The following SEZ6L variants were observed in gnomAD, a reference collection of about 807,000 sequenced individuals.
SEZ6L encodes seizure related 6 homolog like.
A neutral mutation model predicts 106.2 loss-of-function variants in SEZ6L; 37 were observed. The observed-to-expected ratio is 0.35, with a 90% CI of 0.27 to 0.46. The LOEUF (loss-of-function observed/expected upper bound fraction) is 0.46, where lower values mean the gene tolerates loss of function less well. SEZ6L is among the 20% of genes least tolerant of loss of function. The pLI, the probability that SEZ6L is intolerant of heterozygous loss-of-function variation, is 1.00. For missense variants in SEZ6L, 1,172 were observed against 1,332.8 expected (o/e 0.88, Z 1.88); for synonymous variants, 541 against 570.4 (o/e 0.95, Z 0.73).
chr22:26,217,305 C>G (rs923027957), intron 1 of SEZ6L, among the ~76,000 whole-genome samples: 1 of 152,202 alleles, frequency 6.6e-6, no homozygotes, highest in Admixed American at 6.5e-5. Flanking sequence ...TTCTTTGGAA[C>G]TTACAAGACA....
intron 1 of SEZ6L, among the ~76,000 whole-genome samples, chr22:26,224,197 A>G (rs964649257): frequency 2.0e-5 from 3 of 152,232 alleles, no homozygotes; most frequent in Non-Finnish European, 4.4e-5. Flanking sequence ...GGCAGAAACC[A>G]AGTTAGAAGA....
At chr22:26,179,357 C>T (rs187543925) in intron 1 of SEZ6L, among the ~76,000 whole-genome samples, 187 of 152,304 alleles carry the variant, frequency 1.2e-3, no homozygotes, top group Non-Finnish European at 7.1e-4. Context: ...CACCACTGCA[C>T]TCTAGCCTGA....
At chr22:26,321,537 A>G (rs2082154370) in intron 9 of SEZ6L, among the ~76,000 whole-genome samples, 1 of 152,152 alleles carries the variant, frequency 6.6e-6, no homozygotes. Context: ...CTTGGCACAC[A>G]CTTGGCAGAG....
intron 12 of SEZ6L, among the ~76,000 whole-genome samples, chr22:26,356,462 T>A (rs1457751983): frequency 6.6e-6 from 1 of 151,494 alleles, no homozygotes; most frequent in Non-Finnish European, 1.5e-5. Context: ...GCCAACATAG[T>A]GAAACCCCGT....
chr22:26,317,960 C>G (rs904124053), intron 9 of SEZ6L, among the ~76,000 whole-genome samples: 3 of 152,062 alleles, frequency 2.0e-5, no homozygotes, highest in African/African-American at 7.2e-5. Flanking sequence ...AACACAAATA[C>G]CGGAATTAGA....
chr22:26,359,747 G>A (rs1352921496), intron 12 of SEZ6L, among the ~76,000 whole-genome samples: 1 of 152,166 alleles, frequency 6.6e-6, no homozygotes, highest in Non-Finnish European at 1.5e-5. Context: ...AGGCTGAAGT[G>A]AGCTGTGTTC....
intron 9 of SEZ6L, among the ~76,000 whole-genome samples, chr22:26,319,356 G>C (rs748794798): frequency 3.3e-5 from 5 of 152,096 alleles, no homozygotes; most frequent in Admixed American, 6.5e-5. Context: ...TGTTACAACC[G>C]AAGTCATAGC....
chr22:26,335,962 C>A (rs1423899831), intron 9 of SEZ6L, among the ~76,000 whole-genome samples: 1 of 152,148 alleles, frequency 6.6e-6, no homozygotes, highest in East Asian at 1.9e-4. Flanking sequence ...GACCACTCCC[C>A]TCAAGGCAGT....
At chr22:26,240,708 A>C (rs1378349364) in intron 1 of SEZ6L, among the ~76,000 whole-genome samples, 3 of 152,160 alleles carry the variant, frequency 2.0e-5, no homozygotes, top group African/African-American at 7.2e-5. Context: ...TAGGCGTTTC[A>C]GAGTCATCCA....
At chr22:26,357,080 T>C (rs1386639076) in intron 12 of SEZ6L, among the ~76,000 whole-genome samples, 2 of 151,754 alleles carry the variant, frequency 1.3e-5, no homozygotes. Context: ...GGCTCCAGAG[T>C]AGCTGGGACT....
At chr22:26,263,646 G>C (rs2080087788) in intron 1 of SEZ6L, among the ~76,000 whole-genome samples, 1 of 152,204 alleles carries the variant, frequency 6.6e-6, no homozygotes, top group Non-Finnish European at 1.5e-5. Flanking sequence ...GATCATCTGA[G>C]ATAGACAGTT....
chr22:26,299,297 G>A, intron 5 of SEZ6L, 128 bp downstream of exon 5: 1 of 625,744 alleles, frequency 1.6e-6, no homozygotes, highest in Non-Finnish European at 2.4e-6. Flanking sequence ...CTCCAAATAT[G>A]GATGACTATT....
chr22:26,309,711 A>C (rs1203743467), intron 6 of SEZ6L, among the ~76,000 whole-genome samples: 1 of 152,038 alleles, frequency 6.6e-6, no homozygotes, highest in Non-Finnish European at 1.5e-5. Flanking sequence ...CCAGAGTAGC[A>C]GGGACTATAG....
chr22:26,185,822 A>G lies in SEZ6L; in HGVS notation c.94+16059A>G, dbSNP rs1403198552. Among the ~76,000 whole-genome samples the G allele has an allele frequency of 3.3e-5, 5 of 152,210 alleles. No homozygotes were observed. The East Asian group carries it at 7.7e-4, about 24-fold the overall frequency. ...GGAGAGGTTAAGCAGTTCTCTCAAG[A>G]TCACACAGCTAGTAAGATCCTGCAT... On this transcript the variant is annotated intron_variant, in intron 1 of 16. Coordinates refer to ENST00000248933, the MANE Select transcript of SEZ6L (RefSeq NM_021115.5).
At chr22:26,232,718 T>C (rs1268035590) in intron 1 of SEZ6L, among the ~76,000 whole-genome samples, 1 of 152,234 alleles carries the variant, frequency 6.6e-6, no homozygotes, top group African/African-American at 2.4e-5. Context: ...TCCCATCTAG[T>C]GCACTTGTGC....
chr22:26,347,199 AATGATG>A (rs3071639), intron 10 of SEZ6L, among the ~76,000 whole-genome samples: 18 of 149,842 alleles, frequency 1.2e-4, no homozygotes, highest in Middle Eastern at 3.4e-3. Context: ...CTGTAAAAAT[AATGATG>A]ATGATGATGA....
intron 1 of SEZ6L, among the ~76,000 whole-genome samples, chr22:26,182,457 A>T (rs1601964451): frequency 6.6e-6 from 1 of 152,160 alleles, no homozygotes; most frequent in Non-Finnish European, 1.5e-5. Flanking sequence ...AAAATAACTA[A>T]CTGTACCTTT....
Position 26,223,831 on chromosome 22 carries a change from C to T in SEZ6L, c.94+54068C>T, listed in dbSNP as rs112236127. Reference sequence around the variant, plus strand: ...TAATTGTTATTATAATTAAGGCCCCCGGATAGGGAGAAGGTGGTAGATTGG... The same window carrying T: ...TAATTGTTATTATAATTAAGGCCCCTGGATAGGGAGAAGGTGGTAGATTGG... On this transcript the variant is annotated intron_variant, in intron 1 of 16. Transcript: ENST00000248933. Among the ~76,000 whole-genome samples, 136 of 152,148 alleles carry T rather than the reference C, an allele frequency of 8.9e-4. 1 individual carries two copies. Among genetic ancestry groups the T allele is most frequent in the African/African-American group, 3.1e-3 (129 of 41,496 alleles).
chr22:26,293,695 C>G (rs2081211170), intron 2 of SEZ6L, among the ~76,000 whole-genome samples: 1 of 152,240 alleles, frequency 6.6e-6, no homozygotes. Flanking sequence ...AAAGGTCACA[C>G]AGCTAATGAG....
Sources: allele counts gnomAD v4.1 joint callset (sites outside exome capture counted in the v4.1 genomes callset), GRCh38; gene constraint gnomAD v4.1.1; transcripts MANE v1.5; gene names NCBI Gene and HGNC (gene_info 2026-07-23, HGNC 2026-07-21).